RAD9A: variants seen among roughly 807,000 people sequenced by gnomAD.
RAD9A encodes RAD9 checkpoint clamp component A.
RAD9A carries 25 observed loss-of-function variants against 41.2 expected under a neutral mutation model. The ratio of observed to expected loss-of-function variants is 0.61; its 90% CI spans 0.44 to 0.85. The LOEUF is 0.85. Among genes scored for constraint, RAD9A ranks in the 40% least tolerant of loss-of-function variants. The pLI is 0.00. For synonymous variants in RAD9A, 252 were observed against 210.6 expected (o/e 1.20, Z -1.70); for missense variants, 514 against 518.3 (o/e 0.99, Z 0.08).
intron 3 of RAD9A, 161 bp from the exon 4 acceptor site, chr11:67,393,335 A>C: frequency 7.2e-7 from 1 of 1,389,320 alleles, no homozygotes; most frequent in Non-Finnish European, 9.3e-7. Context: ...AGCATAAGGA[A>C]GAGCATGAAT....
chr11:67,396,174 AGGTAG>A lies in RAD9A; in HGVS notation c.734_734+4del. 3 of 1,613,792 alleles carry A rather than the reference AGGTAG, an allele frequency of 1.9e-6. No homozygotes were observed. Among genetic ancestry groups the A allele is most frequent in the Non-Finnish European group, 2.5e-6 (3 of 1,179,672 alleles). ...TAGCATTCATTTTGATGCTCCAGGCAGGTAGTTCCCAGCCTTGGGACAGGGAAGGG... is the reference window on the plus strand; with the variant it reads ...TAGCATTCATTTTGATGCTCCAGGCATTCCCAGCCTTGGGACAGGGAAGGG... On this transcript the variant is annotated splice_donor_variant and splice_donor_region_variant and coding_sequence_variant and intron_variant, in exon 8 of 11. Coordinates refer to ENST00000307980, the MANE Select transcript of RAD9A (RefSeq NM_004584.3). LOFTEE classifies it high-confidence loss of function.
At chr11:67,395,693 G>A in intron 5 of RAD9A, 23 bp from the exon 6 acceptor site, 1 of 1,558,098 alleles carries the variant, frequency 6.4e-7, no homozygotes, top group Non-Finnish European at 8.7e-7. Context: ...GGCATTTCGG[G>A]TAATGCTCCA....
In RAD9A at chr11:67,397,249, GGCA is replaced by G. The variant is rs1404223823; in HGVS notation, c.944_946del (p.Gly315_Asn316delinsAsp). ...CATGATCGCCATGGAAACCACTATA[GGCA>G]ATGAGGGCTCGCGGGTGCTGCCCTC... is the stretch of plus-strand genomic sequence containing the variant. On this transcript the variant is annotated inframe_deletion, in exon 10 of 11. Transcript: ENST00000307980. The G allele has an allele frequency of 1.9e-6, 3 of 1,613,220 alleles. No individual in the cohort carries two copies. The highest frequency in any genetic ancestry group is 2.5e-6 in the Non-Finnish European group (3 of 1,179,606).
rs756478366 is a variant in RAD9A, at chr11:67,395,855, CAGA to C, written c.559+31_559+33del. The C allele has an allele frequency of 1.9e-5, 30 of 1,612,858 alleles. No individual in the cohort carries two copies. The African/African-American group carries it at 4.0e-4, about 21-fold the overall frequency. ...GGGGGCTGGACGTGGCCTGGGACAG[CAGA>C]GTGGCAGGTGGGAGAGGGGCGGGGC... On this transcript the variant is annotated intron_variant, in intron 6 of 10. Coordinates refer to ENST00000307980, the MANE Select transcript of RAD9A (RefSeq NM_004584.3).
In RAD9A at chr11:67,395,829, A is replaced by G. The variant is rs1862674707; in HGVS notation, c.559+4A>G. ...AGCTACCACGAGGAGGAGGCAGGTGAGGGGGCTGGACGTGGCCTGGGACAG... is the reference window on the plus strand; with the variant it reads ...AGCTACCACGAGGAGGAGGCAGGTGGGGGGGCTGGACGTGGCCTGGGACAG... On this transcript the variant is annotated splice_donor_region_variant and intron_variant, in intron 6 of 10. Coordinates refer to ENST00000307980, the MANE Select transcript of RAD9A (RefSeq NM_004584.3). 1.2e-6 allele frequency: 2 copies of G among 1,613,446 alleles called. No individual in the cohort carries two copies. The highest frequency in any genetic ancestry group is 2.2e-5 in the East Asian group (1 of 44,876).
At position 67,395,631 on chromosome 11, in the gene RAD9A, A is replaced by G. The variant is rs185529067; in HGVS notation, c.450-85A>G. 62 of 1,025,736 alleles carry G rather than the reference A, an allele frequency of 6.0e-5. No homozygotes were observed. In the East Asian group the frequency reaches 1.6e-3, roughly 26 times the overall value. The allele number at this position is 1,025,736 out of a possible 1,614,324, so 63.5% of individuals were successfully genotyped here. On this transcript the variant is annotated intron_variant, in intron 5 of 10. Coordinates refer to ENST00000307980, the MANE Select transcript of RAD9A (RefSeq NM_004584.3). ...GGCCTGCGCACATCCGTGCGTGTGCATGTGTCACCCCCACCTCAGGTCCTC... is the reference window on the plus strand; with the variant it reads ...GGCCTGCGCACATCCGTGCGTGTGCGTGTGTCACCCCCACCTCAGGTCCTC...
Position 67,397,376 on chromosome 11 carries a change from C to A in RAD9A, c.1070C>A (p.Pro357Gln), listed in dbSNP as rs377221521. The A allele has an allele frequency of 1.2e-5, 20 of 1,601,722 alleles. No homozygotes were observed. Among genetic ancestry groups the A allele is most frequent in the Middle Eastern group, 1.7e-4 (1 of 6,038 alleles). ...CCCAGTACAGTGCCTGGGACTCCCC[C>A]ACCCAAGAAGGTAGGGACTGGAGGT... ...AEPSTVPGTP[P>Q]PKKFRSLFFG... The change falls in exon 10 of 11, where the codon CCA (proline) becomes CAA (glutamine). Residue 357 changes from proline (P) to glutamine (Q), a missense_variant. Pro to Gln is a moderately conservative substitution (Grantham distance 76, BLOSUM62 -1). Coordinates refer to ENST00000307980, the MANE Select transcript of RAD9A (RefSeq NM_004584.3).
chr11:67,395,530 G>A (rs1862658245), intron 5 of RAD9A, 186 bp from the exon 6 acceptor site: 4 of 587,390 alleles, frequency 6.8e-6, no homozygotes, highest in Admixed American at 3.2e-5. Context: ...GTCAGGTGCC[G>A]CCTGCCAGGT....
chr11:67,392,320 C>T (rs1862551180), intron 2 of RAD9A, 89 bp downstream of exon 2: 2 of 1,180,188 alleles, frequency 1.7e-6, no homozygotes, highest in Non-Finnish European at 1.2e-6. Context: ...GGCGGGATGA[C>T]CGCTGGCAGA....
chr11:67,393,479 T>G lies in RAD9A; in HGVS notation c.235-17T>G. On this transcript the variant is annotated splice_polypyrimidine_tract_variant and intron_variant, in intron 3 of 10. Transcript: ENST00000307980. ...GCAGAGATGTGATGCTAGGCTGAGG[T>G]GTCTTATCCCATGCAGTCTTTCCTG... 1.2e-6 allele frequency: 2 copies of G among 1,612,988 alleles called. No homozygotes were observed. Among genetic ancestry groups the G allele is most frequent in the Non-Finnish European group, 1.7e-6 (2 of 1,179,332 alleles).
rs1862783685 is a variant in RAD9A, at chr11:67,398,330, AGTCACCGCAG to A, written c.*774_*783del. 1.7e-6 allele frequency: 1 copy of A among 600,652 alleles called. No homozygotes were observed. Among genetic ancestry groups the A allele is most frequent in the South Asian group, 2.1e-5 (1 of 47,536 alleles). The allele number at this position is 600,652 out of a possible 1,614,324, so 37.2% of individuals were successfully genotyped here. A position where few individuals can be genotyped will look rare whatever the true frequency, so the allele number is the denominator to read the frequency against. ...GCCTCGGCCCCAGGATCCTGCTCAC[AGTCACCGCAG>A]GTGCAGGCAGGAAGCAGCCCTGGGG... On this transcript the variant is annotated 3_prime_UTR_variant, in exon 11 of 11. Transcript: ENST00000307980.
chr11:67,392,239 G>GGT lies in RAD9A; in HGVS notation c.105+8_105+9insGT. ...GAACCCTTGGAGGACGGGGTGAGGG[G>GGT]CTAGGGTGTGGGGGGCGGGTGGGAC... On this transcript the variant is annotated intron_variant, in intron 2 of 10. Transcript: ENST00000307980. The GGT allele has an allele frequency of 7.3e-7, 1 of 1,361,974 alleles. No individual in the cohort carries two copies. Among genetic ancestry groups the GGT allele is most frequent in the Non-Finnish European group, 1.0e-6 (1 of 969,466 alleles). 84.4% of individuals were successfully genotyped at this position (1,361,974 alleles called of 1,614,324 possible).
chr11:67,393,207 G>C (rs1445979489), intron 3 of RAD9A: 2 of 865,126 alleles, frequency 2.3e-6, no homozygotes, highest in Non-Finnish European at 3.0e-6. Flanking sequence ...TTGAATCCGG[G>C]AGGTGGAGGT....
intron 5 of RAD9A, 79 bp from the exon 6 acceptor site, chr11:67,395,637 C>A: frequency 9.0e-7 from 1 of 1,116,362 alleles, no homozygotes; most frequent in South Asian, 1.4e-5. Flanking sequence ...GTGCATGTGT[C>A]ACCCCCACCT....
chr11:67,392,844 C>T (rs1862568184), intron 3 of RAD9A, 62 bp downstream of exon 3: 5 of 1,585,550 alleles, frequency 3.2e-6, no homozygotes, highest in African/African-American at 1.3e-5. Flanking sequence ...AGCTGTGCCT[C>T]TGCCCTGGGG....
intron 9 of RAD9A, among the ~76,000 whole-genome samples, chr11:67,396,684 G>A (rs996586870): frequency 5.9e-5 from 9 of 152,080 alleles, no homozygotes; most frequent in African/African-American, 2.2e-4. Flanking sequence ...CTCCTCCCAG[G>A]CCAAGGAGGG....
Position 67,392,059 on chromosome 11 carries a change from C to T in RAD9A, c.15C>T (p.Val5=), listed in dbSNP as rs572052350. 22 of 1,581,642 alleles carry T rather than the reference C, an allele frequency of 1.4e-5. No homozygotes were observed. The South Asian group carries it at 2.0e-4, about 14-fold the overall frequency. MKCL[V]TGGNVKVLGK... is the part of the protein sequence containing the mutation. ...GCTGGGGCAGCATGAAGTGCCTGGT[C>T]ACGGGCGGCAACGTGAAGGGTGAGT... is the stretch of plus-strand genomic sequence containing the variant. The change falls in exon 1 of 11, where the codon GTC becomes GTT. Residue 5 remains valine, a synonymous_variant. Transcript: ENST00000307980.
chr11:67,397,092 G>A, intron 9 of RAD9A, 87 bp from the exon 10 acceptor site: 1 of 1,001,720 alleles, frequency 1.0e-6, no homozygotes, highest in Non-Finnish European at 1.5e-6. Flanking sequence ...GTGGTCGGGG[G>A]CCCCAGAGCT....
Position 67,396,182 on chromosome 11 carries a change from C to T in RAD9A, c.734+7C>T. 1 of 1,613,832 alleles carries T rather than the reference C, an allele frequency of 6.2e-7. No individual in the cohort carries two copies. Among genetic ancestry groups the T allele is most frequent in the Non-Finnish European group, 8.5e-7 (1 of 1,179,710 alleles). On this transcript the variant is annotated splice_region_variant and intron_variant, in intron 8 of 10. Transcript: ENST00000307980. ...ATTTTGATGCTCCAGGCAGGTAGTT[C>T]CCAGCCTTGGGACAGGGAAGGGCTC...
Sources: allele counts gnomAD v4.1 joint callset (sites outside exome capture counted in the v4.1 genomes callset), GRCh38; gene constraint gnomAD v4.1.1; transcripts MANE v1.5; gene names NCBI Gene and HGNC (gene_info 2026-07-23, HGNC 2026-07-21).